ESRRG: variants seen among roughly 807,000 people sequenced by gnomAD.
The protein encoded by ESRRG is estrogen related receptor gamma.
ESRRG carries 13 observed loss-of-function variants against 44.0 expected under a neutral mutation model. The observed-to-expected ratio is 0.30, with a 90% CI of 0.19 to 0.47. The LOEUF is 0.47. Among genes scored for constraint, ESRRG ranks in the 20% least tolerant of loss-of-function variants. The probability of loss-of-function intolerance (pLI) is 1.00; values close to 1 mark genes in which losing one functional copy is unlikely to be tolerated. For synonymous variants in ESRRG, 215 were observed against 214.6 expected, an observed-to-expected ratio of 1.00 and a Z score of -0.02; for missense variants, 395 against 580.6, an observed-to-expected ratio of 0.68 and a Z score of 3.29.
intron 2 of ESRRG, among the ~76,000 whole-genome samples, chr1:216,668,985 A>C (rs2074574336): frequency 6.6e-6 from 1 of 152,230 alleles, no homozygotes; most frequent in Non-Finnish European, 1.5e-5. Context: ...AAGGAAGAAA[A>C]ATAGGGTGTC....
chr1:217,103,471 C>A (rs1459302027), intron 1 of ESRRG, among the ~76,000 whole-genome samples: 2 of 150,214 alleles, frequency 1.3e-5, no homozygotes, highest in African/African-American at 2.5e-5. Flanking sequence ...CACAGCGATA[C>A]CTCATCTCTA....
chr1:216,616,748 G>A (rs2150393086), intron 3 of ESRRG, among the ~76,000 whole-genome samples: 1 of 152,254 alleles, frequency 6.6e-6, no homozygotes. Context: ...TGCTTTTGAT[G>A]TAGATTCTCC....
At chr1:216,778,727 A>G (rs558345610) in intron 2 of ESRRG, among the ~76,000 whole-genome samples, 1 of 152,012 alleles carries the variant, frequency 6.6e-6, no homozygotes, top group Non-Finnish European at 1.5e-5. Context: ...TTGATTAGAA[A>G]TAGTAAGCCT....
At chr1:216,725,233 G>A (rs577540799), upstream of ESRRG, among the ~76,000 whole-genome samples, 19 of 152,196 alleles carry the variant, frequency 1.2e-4, no homozygotes, top group South Asian at 1.5e-3. Context: ...TGCATACAAA[G>A]TTTCTAGATC....
intron 2 of ESRRG, among the ~76,000 whole-genome samples, chr1:216,748,886 T>C (rs1215446888): frequency 6.6e-6 from 1 of 152,132 alleles, no homozygotes; most frequent in Non-Finnish European, 1.5e-5. Context: ...CATACCCTTA[T>C]AGACAGGCAC....
intron 1 of ESRRG, among the ~76,000 whole-genome samples, chr1:216,712,176 T>C (rs74141641): frequency 0.019 from 2,912 of 152,292 alleles, 92 homozygotes; most frequent in African/African-American, 0.066. Context: ...GTGGTAAACA[T>C]TTCATGTGAA....
chr1:216,712,880 C>T (rs1018968499), intron 1 of ESRRG, among the ~76,000 whole-genome samples: 1 of 152,082 alleles, frequency 6.6e-6, no homozygotes, highest in Non-Finnish European at 1.5e-5. Flanking sequence ...ACCTTTCTTC[C>T]ACAGAAAGGT....
intron 1 of ESRRG, among the ~76,000 whole-genome samples, chr1:216,984,563 A>G (rs1431719845): frequency 6.6e-6 from 1 of 152,200 alleles, no homozygotes; most frequent in African/African-American, 2.4e-5. Flanking sequence ...ATGTTTACAA[A>G]GATTCTTTGT....
At chr1:216,811,411 A>G (rs1257747347) in intron 2 of ESRRG, among the ~76,000 whole-genome samples, 1 of 152,174 alleles carries the variant, frequency 6.6e-6, no homozygotes, top group Non-Finnish European at 1.5e-5. Context: ...TTCTGATTTT[A>G]GGGAAACATA....
intron 2 of ESRRG, among the ~76,000 whole-genome samples, chr1:216,869,742 G>A (rs2096232782): frequency 6.6e-6 from 1 of 151,860 alleles, no homozygotes; most frequent in Non-Finnish European, 1.5e-5. Context: ...CATATTTGTA[G>A]TTTTCAGCAA....
intron 1 of ESRRG, among the ~76,000 whole-genome samples, chr1:216,695,181 T>C (rs2079885130): frequency 6.6e-6 from 1 of 151,952 alleles, no homozygotes; most frequent in Admixed American, 6.6e-5. Flanking sequence ...TACAATTTCT[T>C]TGACAAAGTA....
chr1:217,094,472 C>G (rs1054033151), upstream of ESRRG, among the ~76,000 whole-genome samples: 1 of 152,136 alleles, frequency 6.6e-6, no homozygotes, highest in African/African-American at 2.4e-5. Context: ...GTGTTCTTTT[C>G]CTTATTTGTC....
intron 5 of ESRRG, among the ~76,000 whole-genome samples, chr1:216,526,341 A>G (rs1572291956): frequency 6.6e-6 from 1 of 152,282 alleles, no homozygotes; most frequent in Non-Finnish European, 1.5e-5. Context: ...CTAATGTAAT[A>G]TGACTGTATC....
At chr1:216,768,372 A>C (rs773087587) in intron 2 of ESRRG, among the ~76,000 whole-genome samples, 5 of 152,170 alleles carry the variant, frequency 3.3e-5, no homozygotes, top group Admixed American at 6.6e-5. Flanking sequence ...TTCTTGGAGA[A>C]AGGATAAATC....
At chr1:216,737,995 CT>C (rs144453643) in intron 2 of ESRRG, among the ~76,000 whole-genome samples, 1,598 of 119,572 alleles carry the variant, frequency 0.013, 20 homozygotes, top group African/African-American at 0.039. Flanking sequence ...TGAGACATCA[CT>C]TTTTTTTTTT....
chr1:216,905,599 C>T (rs1391262083), intron 2 of ESRRG, among the ~76,000 whole-genome samples: 1 of 152,278 alleles, frequency 6.6e-6, no homozygotes, highest in South Asian at 2.1e-4. Context: ...ACATTGAGGT[C>T]TGTGAGTGCT....
intron 3 of ESRRG, among the ~76,000 whole-genome samples, chr1:216,633,912 T>C (rs545313729): frequency 2.6e-5 from 4 of 152,308 alleles, no homozygotes; most frequent in African/African-American, 9.6e-5. Context: ...TTTCCAGAAT[T>C]TCTCTCAATA....
chr1:216,735,478 G>A (rs559490478), intron 2 of ESRRG, among the ~76,000 whole-genome samples: 2 of 152,226 alleles, frequency 1.3e-5, no homozygotes. Flanking sequence ...AAATTGCTGG[G>A]ATTACAGGCG....
intron 2 of ESRRG, among the ~76,000 whole-genome samples, chr1:216,796,464 A>T (rs74141656): frequency 0.032 from 4,891 of 152,256 alleles, 274 homozygotes; most frequent in African/African-American, 0.11. Flanking sequence ...GAAAGAACCC[A>T]TTCACAGTTC....
Sources: allele counts gnomAD v4.1 joint callset (sites outside exome capture counted in the v4.1 genomes callset), GRCh38; gene constraint gnomAD v4.1.1; transcripts MANE v1.5; gene names NCBI Gene and HGNC (gene_info 2026-07-23, HGNC 2026-07-21).